The following FAHD2A variants were observed in gnomAD, a reference collection of about 807,000 sequenced individuals.
The protein encoded by FAHD2A is oxaloacetate tautomerase FAHD2A, mitochondrial.
In FAHD2A, 27 loss-of-function variants were observed where a neutral mutation model predicts 33.4. The ratio of observed to expected loss-of-function variants is 0.81; its 90% CI spans 0.60 to 1.11. FAHD2A has a LOEUF of 1.11. FAHD2A is among the 50% of genes most tolerant of loss of function. FAHD2A has a pLI of 0.00. For synonymous variants in FAHD2A, 130 were observed against 153.3 expected, an observed-to-expected ratio of 0.85 and a Z score of 1.12; for missense variants, 296 against 395.0, an observed-to-expected ratio of 0.75 and a Z score of 2.12.
chr2:95,412,971 G>C lies in FAHD2A; in HGVS notation c.*14G>C. 1.2e-6 allele frequency: 2 copies of C among 1,613,666 alleles called. No homozygotes were observed. Among genetic ancestry groups the C allele is most frequent in the Non-Finnish European group, 1.7e-6 (2 of 1,179,860 alleles). On this transcript the variant is annotated 3_prime_UTR_variant, in exon 8 of 8. Coordinates refer to ENST00000233379, the MANE Select transcript of FAHD2A (RefSeq NM_016044.3). ...AAGGTGGTGTGATGGCTCCTGCACAGGCCCTGCACATAGGATGAGGGCATC... is the reference window on the plus strand; with the variant it reads ...AAGGTGGTGTGATGGCTCCTGCACACGCCCTGCACATAGGATGAGGGCATC...
At chr2:95,409,787 G>T (rs1007143974) in intron 3 of FAHD2A, among the ~76,000 whole-genome samples, 22 of 152,168 alleles carry the variant, frequency 1.4e-4, no homozygotes, top group African/African-American at 5.3e-4. Flanking sequence ...GGCCAGTGAG[G>T]GGCCTTCAAG....
chr2:95,420,266 C>G (rs533377106), downstream of FAHD2A, among the ~76,000 whole-genome samples: 3 of 152,088 alleles, frequency 2.0e-5, no homozygotes, highest in African/African-American at 7.3e-5. Context: ...CAAGTTGATA[C>G]ATAAAATTAA....
Position 95,407,019 on chromosome 2 carries a change from G to GGT in FAHD2A, c.332_333dup (p.Gly112TrpfsTer3), listed in dbSNP as rs1448341343. The GGT allele has an allele frequency of 1.2e-6, 2 of 1,613,814 alleles. No homozygotes were observed. Among genetic ancestry groups the GGT allele is most frequent in the African/African-American group, 2.7e-5 (2 of 74,918 alleles). On this transcript the variant is annotated frameshift_variant, in exon 3 of 8. Transcript: ENST00000233379. LOFTEE classifies it high-confidence loss of function. The stretch of plus-strand genomic sequence containing the variant: ...CTCCAGTCACACGACCAGATAAGGT[G>GGT]GTGTGTGTGGGCATGAATTATGTGG...
At chr2:95,411,530 G>A (rs1299570127) in intron 5 of FAHD2A, among the ~76,000 whole-genome samples, 1 of 152,240 alleles carries the variant, frequency 6.6e-6, no homozygotes, top group Admixed American at 6.5e-5. Flanking sequence ...AACTGTGGTG[G>A]AGGTGGGGGG....
At chr2:95,407,356 C>G (rs1177435829) in intron 3 of FAHD2A, 199 bp downstream of exon 3, 1 of 709,124 alleles carries the variant, frequency 1.4e-6, no homozygotes, top group South Asian at 2.0e-5. Flanking sequence ...AAAAGCAATG[C>G]ACCTTCACTG....
At chr2:95,408,035 A>ATTTTTTT (rs11377714) in intron 3 of FAHD2A, among the ~76,000 whole-genome samples, 3 of 94,694 alleles carry the variant, frequency 3.2e-5, no homozygotes, top group Non-Finnish European at 6.0e-5. Context: ...GCAAACACAC[A>ATTTTTTT]TTTTTTTTTT....
At chr2:95,417,466 G>GA (rs1403082619), downstream of FAHD2A, among the ~76,000 whole-genome samples, 8 of 151,664 alleles carry the variant, frequency 5.3e-5, no homozygotes, top group Admixed American at 2.6e-4. Context: ...GAGGCTTTGG[G>GA]AAAAAAAATG....
chr2:95,409,769 C>T (rs1435453021), intron 3 of FAHD2A, among the ~76,000 whole-genome samples: 6 of 152,126 alleles, frequency 3.9e-5, no homozygotes, highest in African/African-American at 1.2e-4. Context: ...TTTAGGTGAC[C>T]TCAGTTTGGC....
Position 95,413,669 on chromosome 2 carries a change from T to C in FAHD2A, c.*712T>C, listed in dbSNP as rs1682875431. 1 of 1,268,296 alleles carries C rather than the reference T, an allele frequency of 7.9e-7. No individual in the cohort carries two copies. Among genetic ancestry groups the C allele is most frequent in the Admixed American group, 2.9e-5 (1 of 33,948 alleles). The allele number at this position is 1,268,296 out of a possible 1,614,324, so 78.6% of individuals were successfully genotyped here. A position where few individuals can be genotyped will look rare whatever the true frequency, so the allele number is the denominator to read the frequency against. On this transcript the variant is annotated 3_prime_UTR_variant, in exon 8 of 8. Coordinates refer to ENST00000233379, the MANE Select transcript of FAHD2A (RefSeq NM_016044.3). ...CCCCAGAAACCTGCCTTGAGACCTCTGACCCCTTAGGCCTCAGTGTTTGAG... is the reference window on the plus strand; with the variant it reads ...CCCCAGAAACCTGCCTTGAGACCTCCGACCCCTTAGGCCTCAGTGTTTGAG...
At position 95,413,681 on chromosome 2, in the gene FAHD2A, C is replaced by T; in HGVS notation, c.*724C>T. On this transcript the variant is annotated 3_prime_UTR_variant, in exon 8 of 8. Transcript: ENST00000233379. ...GCCTTGAGACCTCTGACCCCTTAGG[C>T]CTCAGTGTTTGAGTGCAAATGCTGC... The T allele has an allele frequency of 1.7e-6, 2 of 1,178,142 alleles. No individual in the cohort carries two copies. Among genetic ancestry groups the T allele is most frequent in the Middle Eastern group, 2.9e-4 (1 of 3,436 alleles). 73.0% of individuals were successfully genotyped at this position (1,178,142 alleles called of 1,614,324 possible).
At position 95,412,957 on chromosome 2, in the gene FAHD2A, A is replaced by G; in HGVS notation, c.945A>G (p.Ter315TrpextTer9). 1 of 1,614,002 alleles carries G rather than the reference A, an allele frequency of 6.2e-7. No individual in the cohort carries two copies. The highest frequency in any genetic ancestry group is 8.5e-7 in the Non-Finnish European group (1 of 1,180,014). Residue 315 changes from the stop codon to tryptophan (W), a stop_lost, in exon 8 of 8, where the codon TGA (stop) becomes TGG (tryptophan). Transcript: ENST00000233379. ...GTGTCATCATCAACAAGGTGGTGTGATGGCTCCTGCACAGGCCCTGCACAT... is the reference window on the plus strand; with the variant it reads ...GTGTCATCATCAACAAGGTGGTGTGGTGGCTCCTGCACAGGCCCTGCACAT... Reference protein sequence around the residue: ...ELGVIINKVV* With the variant: ...ELGVIINKVVW
At position 95,413,222 on chromosome 2, in the gene FAHD2A, C is replaced by G. The variant is rs536060537; in HGVS notation, c.*265C>G. The G allele has an allele frequency of 9.0e-6, 10 of 1,108,412 alleles. No homozygotes were observed. Among genetic ancestry groups the G allele is most frequent in the Non-Finnish European group, 1.1e-5 (9 of 789,266 alleles). 68.7% of individuals were successfully genotyped at this position (1,108,412 alleles called of 1,614,324 possible). On this transcript the variant is annotated 3_prime_UTR_variant, in exon 8 of 8. Coordinates refer to ENST00000233379, the MANE Select transcript of FAHD2A (RefSeq NM_016044.3). ...GGACTGGGGAAGAAGAGAGCAAATACACACACATATGCCAAAAAGATGCTG... is the reference window on the plus strand; with the variant it reads ...GGACTGGGGAAGAAGAGAGCAAATAGACACACATATGCCAAAAAGATGCTG...
At chr2:95,410,063 A>T (rs1399233063) in intron 3 of FAHD2A, among the ~76,000 whole-genome samples, 3 of 152,322 alleles carry the variant, frequency 2.0e-5, no homozygotes, top group Non-Finnish European at 4.4e-5. Context: ...GGAGAGGCTG[A>T]GCATTTCTTC....
In FAHD2A at chr2:95,413,346, T is replaced by C; in HGVS notation, c.*389T>C. On this transcript the variant is annotated 3_prime_UTR_variant, in exon 8 of 8. Transcript: ENST00000233379. The stretch of plus-strand genomic sequence containing the variant: ...CAAGGGACAATCAAGCCTCAATGAT[T>C]ATATTTATAGCTAAGGGTTTGCAGC... 6.7e-7 allele frequency: 1 copy of C among 1,496,896 alleles called. No homozygotes were observed. Among genetic ancestry groups the C allele is most frequent in the South Asian group, 1.4e-5 (1 of 72,758 alleles). 92.7% of individuals were successfully genotyped at this position (1,496,896 alleles called of 1,614,324 possible).
chr2:95,408,634 TATC>T (rs1181761864), intron 3 of FAHD2A, among the ~76,000 whole-genome samples: 1 of 152,174 alleles, frequency 6.6e-6, no homozygotes, highest in Non-Finnish European at 1.5e-5. Flanking sequence ...ACCCATTCAC[TATC>T]ATGAGAACAG....
chr2:95,413,629 G>A lies in FAHD2A; in HGVS notation c.*672G>A. 1 of 1,459,918 alleles carries A rather than the reference G, an allele frequency of 6.8e-7. No individual in the cohort carries two copies. The highest frequency in any genetic ancestry group is 9.1e-7 in the Non-Finnish European group (1 of 1,101,702). 90.4% of individuals were successfully genotyped at this position (1,459,918 alleles called of 1,614,324 possible). ...ACAGGGACTGTGTCCACATGGCCCAGGGGCCAGGCCTGTCCCCCAGAAACC... is the reference window on the plus strand; with the variant it reads ...ACAGGGACTGTGTCCACATGGCCCAAGGGCCAGGCCTGTCCCCCAGAAACC... On this transcript the variant is annotated 3_prime_UTR_variant, in exon 8 of 8. Transcript: ENST00000233379.
At chr2:95,405,969 T>C (rs1301325804) in intron 2 of FAHD2A, among the ~76,000 whole-genome samples, 166 bp downstream of exon 2, 2 of 151,800 alleles carry the variant, frequency 1.3e-5, no homozygotes, top group Admixed American at 1.3e-4. Flanking sequence ...TCTTACATAA[T>C]AACATCTTCA....
downstream of FAHD2A, among the ~76,000 whole-genome samples, chr2:95,419,848 G>A (rs1047971361): frequency 1.3e-5 from 2 of 152,024 alleles, no homozygotes; most frequent in African/African-American, 4.8e-5. Flanking sequence ...GGCACAGAGA[G>A]AGACACATTG....
At chr2:95,421,005 C>CTGTGTGTGTGTGTG (rs57970330), downstream of FAHD2A, among the ~76,000 whole-genome samples, 3 of 129,896 alleles carry the variant, frequency 2.3e-5, no homozygotes, top group Admixed American at 7.3e-5. Flanking sequence ...GAATGAACCT[C>CTGTGTGTGTGTGTG]TGTGTGTGTG....
Sources: allele counts gnomAD v4.1 joint callset (sites outside exome capture counted in the v4.1 genomes callset), GRCh38; gene constraint gnomAD v4.1.1; transcripts MANE v1.5; gene names NCBI Gene and HGNC (gene_info 2026-07-23, HGNC 2026-07-21).